SPG11: variants seen among roughly 807,000 people sequenced by gnomAD.
The protein encoded by SPG11 is spatacsin.
In SPG11, 222 loss-of-function variants were observed where a neutral mutation model predicts 274.0. The observed-to-expected ratio is 0.81, with a 90% CI of 0.73 to 0.91. The LOEUF (loss-of-function observed/expected upper bound fraction) is 0.91, where lower values mean the gene tolerates loss of function less well. Ranked by LOEUF, SPG11 falls within the 40% of genes least tolerant of loss-of-function variation. SPG11 has a pLI of 0.00. For synonymous variants in SPG11, 1,144 were observed against 1,039.7 expected (o/e 1.10, Z -1.93); for missense variants, 3,114 against 2,872.7 (o/e 1.08, Z -1.92).
rs111583187 is a variant in SPG11 at position 44,657,268 on chromosome 15, A to G, written c.696T>C (p.Tyr232=). The G allele has an allele frequency of 3.7e-6, 6 of 1,614,146 alleles. No homozygotes were observed. The highest frequency in any genetic ancestry group is 1.1e-5 in the South Asian group (1 of 91,090). The change falls in exon 4 of 40, where the codon TAT becomes TAC. Residue 232 remains tyrosine, a synonymous_variant. Coordinates refer to ENST00000261866, the MANE Select transcript of SPG11 (RefSeq NM_025137.4). ...GAAGTGCTAAATCCACATGAGCTAC[A>G]TATGTACCATCCACAACATCAAAAA... The part of the protein sequence containing the change: ...IYIFDVVDGT[Y]VAHVDLALHK...
chr15:44,618,155 A>G (rs994076965), intron 15 of SPG11, among the ~76,000 whole-genome samples: 10 of 152,240 alleles, frequency 6.6e-5, no homozygotes, highest in Admixed American at 4.6e-4. Context: ...AATGCTCACA[A>G]TGTTTCACTA....
At chr15:44,574,086 C>T (rs571950601) in intron 31 of SPG11, among the ~76,000 whole-genome samples, 5 of 152,338 alleles carry the variant, frequency 3.3e-5, no homozygotes, top group African/African-American at 4.8e-5. Context: ...TCACCACAAC[C>T]GCTGCCTACT....
chr15:44,571,666 T>G (rs2082428775), intron 33 of SPG11, among the ~76,000 whole-genome samples: 1 of 151,610 alleles, frequency 6.6e-6, no homozygotes, highest in Admixed American at 6.6e-5. Context: ...CCCGGCTAAT[T>G]TTTTGTATTT....
intron 29 of SPG11, among the ~76,000 whole-genome samples, 161 bp downstream of exon 29, chr15:44,585,475 A>G (rs1395582307): frequency 2.7e-5 from 4 of 149,820 alleles, no homozygotes; most frequent in African/African-American, 4.9e-5. Context: ...GGTGGTGGGC[A>G]CCTGTAGTCC....
intron 7 of SPG11, 109 bp downstream of exon 7, chr15:44,648,757 A>G: frequency 8.1e-7 from 1 of 1,238,760 alleles, no homozygotes; most frequent in Non-Finnish European, 1.2e-6. Flanking sequence ...TACAAAGGCT[A>G]TAGTTCTTTT....
Position 44,584,477 on chromosome 15 carries a change from G to A in SPG11, c.5203C>T (p.His1735Tyr), listed in dbSNP as rs757868401. Residue 1735 changes from histidine to tyrosine, a missense_variant, in exon 30 of 40, where the codon CAT becomes TAT. Transcript: ENST00000261866. ...ATTGAATTTTTCTTAAAATTCTCAT[G>A]GCATTTTTTCCAGAAGTCAATTCTT... ...QARIDFWKKC[H>Y]ENFKKNSISS... The A allele has an allele frequency of 3.1e-6, 5 of 1,614,148 alleles. No homozygotes were observed. The highest frequency in any genetic ancestry group is 3.4e-6 in the Non-Finnish European group (4 of 1,180,044).
chr15:44,589,601 A>T (rs913839864), intron 27 of SPG11, among the ~76,000 whole-genome samples, 187 bp from the exon 28 acceptor site: 1 of 152,206 alleles, frequency 6.6e-6, no homozygotes, highest in Non-Finnish European at 1.5e-5. Flanking sequence ...TGGCAAAAAC[A>T]AGCCCTCCTC....
At chr15:44,601,755 C>T (rs1414753851) in intron 20 of SPG11, among the ~76,000 whole-genome samples, 7 of 151,980 alleles carry the variant, frequency 4.6e-5, no homozygotes, top group African/African-American at 7.3e-5. Flanking sequence ...GACGGGGTTT[C>T]GCCATGTTGG....
Position 44,663,607 on chromosome 15 carries a change from C to A in SPG11, c.41G>T (p.Gly14Val). Residue 14 changes from glycine to valine, a missense_variant, in exon 1 of 40, where the codon GGC (glycine) becomes GTC (valine). By Grantham distance (109) the Gly-to-Val change is moderately radical. Transcript: ENST00000261866. Reference sequence around the variant, plus strand: ...CATGGCCGCGGTGCCCCAGCTACCGCCGGCGGAAGCAGCACTCGCGACCCC... The same window carrying A: ...CATGGCCGCGGTGCCCCAGCTACCGACGGCGGAAGCAGCACTCGCGACCCC... Reference protein sequence around the residue: ...EEGVASAASAGGSWGTAAMGR... With the variant: ...EEGVASAASAVGSWGTAAMGR... 6.3e-7 allele frequency: 1 copy of A among 1,596,312 alleles called. No individual in the cohort carries two copies.
At chr15:44,621,226 T>G (rs941916876) in intron 14 of SPG11, 3 of 154,360 alleles carry the variant, frequency 1.9e-5, no homozygotes, top group Admixed American at 6.5e-5. Flanking sequence ...ACTTACGTAT[T>G]AGCTGTACAT....
rs376343587 is a variant in SPG11, at chr15:44,649,031, T to G, written c.1457-20A>C. ...CATTCTCTATAGGAAAAATAAAAGT[T>G]AGCTTTAACAAATTAGATTAGATTT... is the stretch of plus-strand genomic sequence containing the variant. On this transcript the variant is annotated intron_variant, in intron 6 of 39. Coordinates refer to ENST00000261866, the MANE Select transcript of SPG11 (RefSeq NM_025137.4). 58 of 1,598,632 alleles carry G rather than the reference T, an allele frequency of 3.6e-5. No homozygotes were observed. The African/African-American group carries it at 7.1e-4, about 20-fold the overall frequency.
chr15:44,584,130 G>A lies in SPG11; in HGVS notation c.5550C>T (p.Asn1850=), dbSNP rs774699431. 2.5e-6 allele frequency: 4 copies of A among 1,614,242 alleles called. No individual in the cohort carries two copies. Among genetic ancestry groups the A allele is most frequent in the South Asian group, 2.2e-5 (2 of 91,092 alleles). The change falls in exon 30 of 40, where the codon AAC becomes AAT. Residue 1850 remains asparagine (N), a synonymous_variant. Coordinates refer to ENST00000261866, the MANE Select transcript of SPG11 (RefSeq NM_025137.4). ...EFSFSKLAAL[N]TSKYLELNSL... ...TGTTAAGTTCTAAGTATTTTGATGT[G>A]TTCAGAGCAGCCAACTTGGAGAAGG...
Position 44,596,208 on chromosome 15 carries a change from C to G in SPG11, c.4309G>C (p.Glu1437Gln), listed in dbSNP as rs1595860365. The change falls in exon 25 of 40, where the codon GAG becomes CAG. Residue 1437 changes from glutamate to glutamine, a missense_variant. By Grantham distance (29) the Glu-to-Gln change is conservative. Transcript: ENST00000261866. Reference protein sequence around the residue: ...CPQELQGSKQEMTDLFEILLQ... With the variant: ...CPQELQGSKQQMTDLFEILLQ... The stretch of plus-strand genomic sequence containing the variant: ...AGAATTTCAAATAAATCGGTCATCT[C>G]TTGTTTGCTTCCTTGAAGTTCCTGG... 10 of 1,614,050 alleles carry G rather than the reference C, an allele frequency of 6.2e-6. No individual in the cohort carries two copies. Among genetic ancestry groups the G allele is most frequent in the Non-Finnish European group, 8.5e-6 (10 of 1,180,030 alleles).
intron 8 of SPG11, among the ~76,000 whole-genome samples, chr15:44,630,834 TC>T (rs1272821989): frequency 6.6e-6 from 1 of 152,126 alleles, no homozygotes; most frequent in Non-Finnish European, 1.5e-5. Flanking sequence ...CATCTCGGCC[TC>T]CCAAAGTGCT....
chr15:44,573,684 A>AT lies in SPG11; in HGVS notation c.6067dup (p.Ile2023AsnfsTer8), dbSNP rs763855058. The AT allele has an allele frequency of 6.2e-6, 10 of 1,614,156 alleles. No homozygotes were observed. The highest frequency in any genetic ancestry group is 8.5e-6 in the Non-Finnish European group (10 of 1,180,032). ...TCGGTCAGGCTGCTGAGAGGCCAAG[A>AT]TTTTCCGGAGCATGGCTTCACCATC... On this transcript the variant is annotated frameshift_variant, in exon 32 of 40. Transcript: ENST00000261866. LOFTEE classifies it high-confidence loss of function.
At chr15:44,628,130 T>C (rs1005094802) in intron 10 of SPG11, among the ~76,000 whole-genome samples, 2 of 152,178 alleles carry the variant, frequency 1.3e-5, no homozygotes, top group African/African-American at 2.4e-5. Context: ...GTCATACAGA[T>C]GGTAGTAAAT....
intron 15 of SPG11, 50 bp from the exon 16 acceptor site, chr15:44,615,616 G>A: frequency 6.5e-7 from 1 of 1,539,218 alleles, no homozygotes; most frequent in African/African-American, 1.4e-5. Flanking sequence ...TATGTTCAGA[G>A]TAGACCAAAT....
intron 21 of SPG11, 89 bp from the exon 22 acceptor site, chr15:44,598,925 G>A: frequency 7.7e-7 from 1 of 1,300,404 alleles, no homozygotes; most frequent in South Asian, 1.2e-5. Context: ...GTGACAGAGG[G>A]AGTGCCAGCC....
At chr15:44,598,556 A>G (rs1392474702) in intron 22 of SPG11, 75 bp downstream of exon 22, 2 of 1,446,476 alleles carry the variant, frequency 1.4e-6, no homozygotes, top group Admixed American at 1.7e-5. Flanking sequence ...TTTCTCCCCA[A>G]ACACTCACAA....
Sources: allele counts gnomAD v4.1 joint callset (sites outside exome capture counted in the v4.1 genomes callset), GRCh38; gene constraint gnomAD v4.1.1; transcripts MANE v1.5; gene names NCBI Gene and HGNC (gene_info 2026-07-23, HGNC 2026-07-21).